Variants in LRRC1 observed in about 807,000 individuals in gnomAD.
LRRC1 encodes leucine rich repeat containing 1.
LRRC1 carries 28 observed loss-of-function variants against 69.9 expected under a neutral mutation model. The observed-to-expected ratio is 0.40, with a 90% CI of 0.30 to 0.55. The LOEUF (loss-of-function observed/expected upper bound fraction) is 0.55. Ranked by LOEUF, LRRC1 falls within the 20% of genes least tolerant of loss-of-function variation. The pLI is 0.47. For synonymous variants in LRRC1, 236 were observed against 240.2 expected (o/e 0.98, Z 0.16); for missense variants, 498 against 609.0 (o/e 0.82, Z 1.92).
At chr6:53,849,668 A>C (rs752097477) in intron 2 of LRRC1, among the ~76,000 whole-genome samples, 1 of 152,240 alleles carries the variant, frequency 6.6e-6, no homozygotes, top group Non-Finnish European at 1.5e-5. Context: ...AGAGGGAAAG[A>C]GGGAATGAAA....
At chr6:53,849,567 G>T (rs1471140632) in intron 2 of LRRC1, among the ~76,000 whole-genome samples, 3 of 152,182 alleles carry the variant, frequency 2.0e-5, no homozygotes, top group Non-Finnish European at 4.4e-5. Flanking sequence ...TTTTTGTCAG[G>T]ATGGTAACAC....
chr6:53,919,659 C>G lies in LRRC1; in HGVS notation c.1268C>G (p.Pro423Arg). The G allele has an allele frequency of 6.2e-7, 1 of 1,611,986 alleles. No homozygotes were observed. Among genetic ancestry groups the G allele is most frequent in the Non-Finnish European group, 8.5e-7 (1 of 1,179,388 alleles). The part of the protein sequence containing the change: ...CVLLPQLPSE[P>R]TCQENLPRCG... ...TTACTTCCTCAGCTGCCTTCTGAAC[C>G]TACTTGTCAAGGTGAATTTAATTTA... The change falls in exon 12 of 14, where the codon CCT (proline) becomes CGT (arginine). Residue 423 changes from proline (P) to arginine (R), a missense_variant. By Grantham distance (103) the Pro-to-Arg change is moderately radical. Transcript: ENST00000370888.
chr6:53,866,477 T>C (rs950099770), intron 2 of LRRC1, among the ~76,000 whole-genome samples: 21 of 152,174 alleles, frequency 1.4e-4, no homozygotes, highest in African/African-American at 4.1e-4. Flanking sequence ...GAGAACGATA[T>C]AGGTCTGGTT....
At chr6:53,916,961 T>A (rs1034333059) in intron 11 of LRRC1, among the ~76,000 whole-genome samples, 2 of 152,138 alleles carry the variant, frequency 1.3e-5, no homozygotes, top group Non-Finnish European at 2.9e-5. Flanking sequence ...TAACCACAAG[T>A]TTTTTATTTC....
At chr6:53,801,260 A>C (rs1764477348) in intron 1 of LRRC1, among the ~76,000 whole-genome samples, 1 of 152,240 alleles carries the variant, frequency 6.6e-6, no homozygotes, top group Admixed American at 6.5e-5. Context: ...TATTTAAAAC[A>C]TTGCAAGCAG....
intron 1 of LRRC1, among the ~76,000 whole-genome samples, chr6:53,827,310 C>CAAAAA (rs11387003): frequency 7.9e-6 from 1 of 126,050 alleles, no homozygotes. Flanking sequence ...AACACTTCCA[C>CAAAAA]AAAAAAAAAA....
intron 1 of LRRC1, among the ~76,000 whole-genome samples, chr6:53,801,233 C>G (rs1481513335): frequency 2.0e-5 from 3 of 152,210 alleles, no homozygotes; most frequent in East Asian, 3.8e-4. Context: ...CAGGCTACCT[C>G]CTCCATGCTA....
chr6:53,878,735 A>G (rs1164796094), intron 2 of LRRC1, among the ~76,000 whole-genome samples: 1 of 152,208 alleles, frequency 6.6e-6, no homozygotes, highest in African/African-American at 2.4e-5. Context: ...GCCATAGAAC[A>G]CTAGAACTTA....
chr6:53,858,846 A>G (rs1766404625), intron 2 of LRRC1, among the ~76,000 whole-genome samples: 1 of 152,186 alleles, frequency 6.6e-6, no homozygotes, highest in Non-Finnish European at 1.5e-5. Flanking sequence ...ACTGGCAGAG[A>G]ATAAATCAGA....
chr6:53,806,813 A>G (rs918474947), intron 1 of LRRC1, among the ~76,000 whole-genome samples: 1 of 152,224 alleles, frequency 6.6e-6, no homozygotes, highest in Non-Finnish European at 1.5e-5. Flanking sequence ...GAACCAATTA[A>G]GGAAAAAAGA....
At chr6:53,883,110 A>G in intron 4 of LRRC1, 134 bp downstream of exon 4, 1 of 601,600 alleles carries the variant, frequency 1.7e-6, no homozygotes. Context: ...TGTGACCTTC[A>G]AGAAAGATTA....
chr6:53,896,471 C>CT (rs746398688), intron 4 of LRRC1, 27 bp from the exon 5 acceptor site: 35 of 1,594,630 alleles, frequency 2.2e-5, no homozygotes, highest in Admixed American at 3.3e-5. Flanking sequence ...TTCTCTTATG[C>CT]TTTTTTTTCC....
intron 8 of LRRC1, among the ~76,000 whole-genome samples, chr6:53,900,822 C>CCATTGTAGCA (rs777048568): frequency 6.6e-5 from 10 of 152,182 alleles, no homozygotes; most frequent in Non-Finnish European, 1.5e-4. Context: ...GTAGCAAAGC[C>CCATTGTAGCA]ACTTTGAAGT....
chr6:53,907,971 T>G (rs1768293014), intron 10 of LRRC1, among the ~76,000 whole-genome samples: 1 of 152,250 alleles, frequency 6.6e-6, no homozygotes, highest in South Asian at 2.1e-4. Flanking sequence ...TTGCTACACC[T>G]GGCATGCCTC....
chr6:53,841,069 C>G (rs1765773168), intron 1 of LRRC1, among the ~76,000 whole-genome samples: 2 of 152,256 alleles, frequency 1.3e-5, no homozygotes, highest in Non-Finnish European at 2.9e-5. Flanking sequence ...TGTGCTCATG[C>G]CCAGGAGCCG....
chr6:53,799,910 C>A (rs141196697), intron 1 of LRRC1, among the ~76,000 whole-genome samples: 1 of 152,302 alleles, frequency 6.6e-6, no homozygotes, highest in African/African-American at 2.4e-5. Context: ...ACAATGCCAC[C>A]TATTCTCTCT....
chr6:53,897,450 A>G, intron 7 of LRRC1, 91 bp downstream of exon 7: 1 of 954,322 alleles, frequency 1.0e-6, no homozygotes, highest in Non-Finnish European at 1.6e-6. Context: ...GTTTGCTATA[A>G]AAGGATCTTG....
intron 1 of LRRC1, among the ~76,000 whole-genome samples, chr6:53,814,046 T>C (rs1027166275): frequency 6.6e-6 from 1 of 152,204 alleles, no homozygotes; most frequent in Admixed American, 6.5e-5. Flanking sequence ...TGATTCGTAC[T>C]TCCTCTTTTG....
chr6:53,871,417 T>A (rs1766880186), intron 2 of LRRC1, among the ~76,000 whole-genome samples: 1 of 152,262 alleles, frequency 6.6e-6, no homozygotes, highest in African/African-American at 2.4e-5. Flanking sequence ...CGTGTACTTG[T>A]TAGCCATTTG....
Sources: gnomAD v4.1 joint callset for allele counts (sites outside exome capture counted in the v4.1 genomes callset) on GRCh38, gnomAD v4.1.1 for gene constraint, MANE v1.5 for transcripts, NCBI Gene and HGNC (gene_info 2026-07-23, HGNC 2026-07-21) for gene names.